The following RALGPS2 variants were observed in gnomAD, a reference collection of about 807,000 sequenced individuals.
RALGPS2 encodes Ral GEF with PH domain and SH3 binding motif 2.
RALGPS2 carries 43 observed loss-of-function variants against 86.8 expected under a neutral mutation model. The observed-to-expected ratio is 0.50, with a 90% confidence interval of 0.39 to 0.64. The LOEUF (loss-of-function observed/expected upper bound fraction) is 0.64. Ranked by LOEUF, RALGPS2 falls within the 30% of genes least tolerant of loss-of-function variation. RALGPS2 has a pLI of 0.00. For synonymous variants in RALGPS2, 243 were observed against 231.3 expected, an observed-to-expected ratio of 1.05 and a Z score of -0.46; for missense variants, 536 against 694.6, an observed-to-expected ratio of 0.77 and a Z score of 2.57.
At chr1:178,804,236 T>A (rs1248066851) in intron 4 of RALGPS2, among the ~76,000 whole-genome samples, 1 of 149,244 alleles carries the variant, frequency 6.7e-6, no homozygotes, top group Non-Finnish European at 1.5e-5. Flanking sequence ...CCCACCCAGA[T>A]CTCTTAGCTG....
intron 6 of RALGPS2, among the ~76,000 whole-genome samples, chr1:178,816,915 G>A (rs183545940): frequency 4.6e-5 from 7 of 151,830 alleles, no homozygotes; most frequent in African/African-American, 1.7e-4. Context: ...CACCATGTTG[G>A]CCAAGCTGGT....
chr1:178,776,682 G>T lies in RALGPS2; in HGVS notation c.-83G>T. The T allele has an allele frequency of 1.0e-6, 1 of 978,784 alleles. No homozygotes were observed. The highest frequency in any genetic ancestry group is 1.5e-6 in the Non-Finnish European group (1 of 668,742). 60.6% of individuals were successfully genotyped at this position (978,784 alleles called of 1,614,324 possible). On this transcript the variant is annotated splice_region_variant and 5_prime_UTR_variant, in exon 2 of 20. Transcript: ENST00000367635. ...GCTTAACTTTTTTTTTTTTTTACAG[G>T]AATAATGTATTTGTGGCCTTGGACA...
At chr1:178,884,718 TA>T (rs1222865507) in intron 11 of RALGPS2, among the ~76,000 whole-genome samples, 74 of 152,032 alleles carry the variant, frequency 4.9e-4, no homozygotes, top group Non-Finnish European at 7.8e-4. Context: ...AAACTAGGAG[TA>T]AAGAAGTAAT....
Position 178,883,501 on chromosome 1 carries a change from C to T in RALGPS2, c.872C>T (p.Pro291Leu), listed in dbSNP as rs1269877762. 1.9e-6 allele frequency: 3 copies of T among 1,613,388 alleles called. No homozygotes were observed. The highest frequency in any genetic ancestry group is 1.6e-4 in the Middle Eastern group (1 of 6,082). ...SLKIEPGTST[P>L]RSAASREDLV... is the part of the protein sequence containing the mutation. ...AAGATAGAACCAGGGACAAGCACCCCACGTTCTGCTGCTTCCAGAGAAGAT... is the reference window on the plus strand; with the variant it reads ...AAGATAGAACCAGGGACAAGCACCCTACGTTCTGCTGCTTCCAGAGAAGAT... Residue 291 changes from proline (P) to leucine (L), a missense_variant, in exon 11 of 20, where the codon CCA becomes CTA. Physicochemically the swap from Pro to Leu is moderately conservative, Grantham distance 98. Coordinates refer to ENST00000367635, the MANE Select transcript of RALGPS2 (RefSeq NM_152663.5).
chr1:178,839,946 G>A (rs1424761384), intron 8 of RALGPS2, among the ~76,000 whole-genome samples: 1 of 152,268 alleles, frequency 6.6e-6, no homozygotes, highest in East Asian at 1.9e-4. Context: ...AACAAGAAGA[G>A]CTAACTATCC....
intron 8 of RALGPS2, among the ~76,000 whole-genome samples, chr1:178,870,191 C>G (rs1292459851): frequency 1.3e-5 from 2 of 152,098 alleles, no homozygotes; most frequent in Non-Finnish European, 2.9e-5. Flanking sequence ...TAAATCTGTA[C>G]AAGAATTTCT....
At chr1:178,733,314 C>T (rs922460622) in intron 1 of RALGPS2, among the ~76,000 whole-genome samples, 8 of 152,134 alleles carry the variant, frequency 5.3e-5, no homozygotes, top group Non-Finnish European at 8.8e-5. Context: ...GTTTGCAATA[C>T]TTATATCTGT....
chr1:178,740,020 T>A (rs1478996570), intron 1 of RALGPS2, among the ~76,000 whole-genome samples: 1 of 152,242 alleles, frequency 6.6e-6, no homozygotes. Context: ...GTTTTCCTCC[T>A]CAGTTGTGGT....
At position 178,814,308 on chromosome 1, in the gene RALGPS2, C is replaced by A. The variant is rs188905890; in HGVS notation, c.387+2904C>A. On this transcript the variant is annotated intron_variant, in intron 6 of 19. Transcript: ENST00000367635. ...TTATTCAATGTACTTTGGATTATTT[C>A]CAAATTCTTGGCTATTATGAGCCCT... is the stretch of plus-strand genomic sequence containing the variant. 2.6e-3 allele frequency among the ~76,000 whole-genome samples: 402 copies of A among 152,264 alleles called. 3 individuals are homozygous for A. The highest frequency in any genetic ancestry group is 8.7e-3 in the African/African-American group (363 of 41,554).
chr1:178,902,239 C>T (rs748905504), intron 18 of RALGPS2, 28 bp downstream of exon 18: 29 of 1,515,036 alleles, frequency 1.9e-5, no homozygotes, highest in Non-Finnish European at 2.4e-5. Context: ...CTGGGGCTTA[C>T]GATACTGCGT....
chr1:178,863,679 G>GT (rs150047686), intron 8 of RALGPS2, among the ~76,000 whole-genome samples: 4,365 of 152,304 alleles, frequency 0.029, 204 homozygotes, highest in African/African-American at 0.1. Flanking sequence ...CATCTGAGCA[G>GT]TGGTGATACT....
At chr1:178,863,058 A>G (rs531619950) in intron 8 of RALGPS2, among the ~76,000 whole-genome samples, 15 of 152,308 alleles carry the variant, frequency 9.8e-5, no homozygotes, top group African/African-American at 3.6e-4. Flanking sequence ...AGGTAAGGAA[A>G]CTGAGGCACA....
intron 1 of RALGPS2, among the ~76,000 whole-genome samples, chr1:178,742,271 AG>A (rs965920071): frequency 6.6e-6 from 1 of 152,196 alleles, no homozygotes; most frequent in Non-Finnish European, 1.5e-5. Context: ...GGATGGAAAA[AG>A]ATACACCATG....
intron 8 of RALGPS2, among the ~76,000 whole-genome samples, chr1:178,877,297 G>C (rs1193252733): frequency 1.3e-5 from 2 of 151,940 alleles, no homozygotes; most frequent in African/African-American, 4.8e-5. Context: ...ACAAAAAATT[G>C]GTATATGTCT....
Position 178,851,336 on chromosome 1 carries a change from A to G in RALGPS2, c.607+17786A>G, listed in dbSNP as rs143626988. The G allele has an allele frequency of 7.1e-4, 1,121 of 1,589,942 alleles. 13 individuals are homozygous for G. In the African/African-American group the frequency reaches 0.013, roughly 18 times the overall value. ...AGTTTCCTTTGAGGAAAAAATACAG[A>G]TATAAATGTAAAAGTTTCTTCTAGG... On this transcript the variant is annotated intron_variant, in intron 8 of 19. Transcript: ENST00000367635.
chr1:178,868,948 A>T (rs560166413), intron 8 of RALGPS2, among the ~76,000 whole-genome samples: 9 of 152,102 alleles, frequency 5.9e-5, no homozygotes, highest in Admixed American at 5.9e-4. Context: ...AAATACATTT[A>T]CTGTTATGTT....
At chr1:178,733,087 T>A (rs1650488857) in intron 1 of RALGPS2, among the ~76,000 whole-genome samples, 1 of 152,234 alleles carries the variant, frequency 6.6e-6, no homozygotes, top group South Asian at 2.1e-4. Flanking sequence ...TAGGGATTCT[T>A]TGTTCCTTGA....
chr1:178,770,623 C>T (rs953401096), intron 1 of RALGPS2, among the ~76,000 whole-genome samples: 1 of 150,552 alleles, frequency 6.6e-6, no homozygotes. Context: ...ACAATAGGCA[C>T]CCACCACCAG....
intron 8 of RALGPS2, among the ~76,000 whole-genome samples, chr1:178,874,968 A>G (rs76192217): frequency 0.029 from 4,367 of 152,314 alleles, 206 homozygotes; most frequent in African/African-American, 0.1. Context: ...AATATGTGTC[A>G]GAATTTTCAT....
Sources: gnomAD v4.1 joint callset for allele counts (sites outside exome capture counted in the v4.1 genomes callset) on GRCh38, gnomAD v4.1.1 for gene constraint, MANE v1.5 for transcripts, NCBI Gene and HGNC (gene_info 2026-07-23, HGNC 2026-07-21) for gene names.